PLCL1: variants seen among roughly 807,000 people sequenced by gnomAD.
The protein encoded by PLCL1 is inactive phospholipase C-like protein 1.
In PLCL1, 41 loss-of-function variants were observed where a neutral mutation model predicts 84.4. The observed-to-expected ratio is 0.49, with a 90% confidence interval of 0.38 to 0.63. The LOEUF is 0.63. Ranked by LOEUF, PLCL1 falls within the 30% of genes least tolerant of loss-of-function variation. The probability of loss-of-function intolerance (pLI) is 0.00; values close to 1 mark genes in which losing one functional copy is unlikely to be tolerated. For missense variants in PLCL1, 1,206 were observed against 1,367.8 expected (o/e 0.88, Z 1.87); for synonymous variants, 490 against 488.3 (o/e 1.00, Z -0.05).
At chr2:198,023,537 T>G (rs1691189497) in intron 1 of PLCL1, among the ~76,000 whole-genome samples, 1 of 152,328 alleles carries the variant, frequency 6.6e-6, no homozygotes, top group South Asian at 2.1e-4. Context: ...TACAAGGAAC[T>G]TAAACAAATT....
At chr2:198,136,734 G>A (rs576197604) in intron 5 of PLCL1, among the ~76,000 whole-genome samples, 3 of 152,038 alleles carry the variant, frequency 2.0e-5, no homozygotes, top group East Asian at 1.9e-4. Context: ...CCTTCAAAAC[G>A]TTCAGTGGAT....
chr2:198,074,766 A>G (rs540394125), intron 1 of PLCL1, among the ~76,000 whole-genome samples: 20 of 152,108 alleles, frequency 1.3e-4, no homozygotes, highest in Non-Finnish European at 2.5e-4. Flanking sequence ...CGTGACATGA[A>G]CTCTATTTAA....
rs553465213 is a variant in PLCL1 at position 198,022,285 on chromosome 2, G to C, written c.241-61473G>C. ...AAACCCACTGATATCATACTGAATG[G>C]GCAATATCATACTGAATGGGCAAAT... On this transcript the variant is annotated intron_variant, in intron 1 of 5. Transcript: ENST00000428675. 7.2e-5 allele frequency among the ~76,000 whole-genome samples: 11 copies of C among 152,108 alleles called. No individual in the cohort carries two copies. In the East Asian group the frequency reaches 2.1e-3, roughly 29 times the overall value.
At chr2:197,809,594 T>C (rs1402311483) in intron 1 of PLCL1, among the ~76,000 whole-genome samples, 1 of 152,240 alleles carries the variant, frequency 6.6e-6, no homozygotes, top group Admixed American at 6.5e-5. Flanking sequence ...CAGAGCAATC[T>C]GGCAGGTGTT....
At chr2:197,984,985 G>GGCTGGAAT (rs1339330285) in intron 1 of PLCL1, among the ~76,000 whole-genome samples, 2 of 151,478 alleles carry the variant, frequency 1.3e-5, no homozygotes, top group East Asian at 3.9e-4. Context: ...CTGTTGCCCA[G>GGCTGGAAT]GCTGGAATGC....
intron 1 of PLCL1, among the ~76,000 whole-genome samples, chr2:197,943,119 G>A (rs761493565): frequency 6.7e-6 from 1 of 149,678 alleles, no homozygotes; most frequent in Admixed American, 6.7e-5. Flanking sequence ...AATCACTTGC[G>A]CCCAGGAGGT....
intron 1 of PLCL1, among the ~76,000 whole-genome samples, chr2:198,005,501 T>C (rs1228708345): frequency 1.3e-5 from 2 of 152,240 alleles, no homozygotes; most frequent in Admixed American, 6.5e-5. Context: ...GTTTCTTCAT[T>C]GCATTATATT....
rs112718942 is a variant in PLCL1, at chr2:197,873,832, C to T, written c.240+68493C>T. On this transcript the variant is annotated intron_variant, in intron 1 of 5. Coordinates refer to ENST00000428675, the MANE Select transcript of PLCL1 (RefSeq NM_006226.4). ...CACACCACAATCTGAGCTTAAATTGCGATGCAAAATATTTCGGACAAGGCT... is the reference window on the plus strand; with the variant it reads ...CACACCACAATCTGAGCTTAAATTGTGATGCAAAATATTTCGGACAAGGCT... Among the ~76,000 whole-genome samples, 72 of 152,228 alleles carry T rather than the reference C, an allele frequency of 4.7e-4. 3 individuals carry two copies. The highest frequency in any genetic ancestry group is 7.2e-4 in the Non-Finnish European group (49 of 68,000).
chr2:198,067,488 T>A (rs1173084723), intron 1 of PLCL1, among the ~76,000 whole-genome samples: 1 of 152,110 alleles, frequency 6.6e-6, no homozygotes, highest in Non-Finnish European at 1.5e-5. Context: ...TGGGAAGAGA[T>A]AATTAGTGTA....
chr2:197,805,151 G>A lies in PLCL1; in HGVS notation c.52G>A (p.Gly18Arg). The A allele has an allele frequency of 1.5e-6, 2 of 1,308,634 alleles. No homozygotes were observed. The highest frequency in any genetic ancestry group is 1.9e-6 in the Non-Finnish European group (2 of 1,033,768). 81.1% of individuals were successfully genotyped at this position (1,308,634 alleles called of 1,614,324 possible). A position where few individuals can be genotyped will look rare whatever the true frequency, so the allele number is the denominator to read the frequency against. The change falls in exon 1 of 6, where the codon GGG becomes AGG. Residue 18 changes from glycine (G) to arginine (R), a missense_variant. Physicochemically the swap from Gly to Arg is moderately radical, Grantham distance 125. Transcript: ENST00000428675. This position sits in a 1 kb window ranked among gnomAD's most constrained non-coding sequence, Gnocchi z 4.0. ...GGATCCGGCGCCGCCCGACGCGGCG[G>A]GGGGCGAAGACGACCCCCGAGTGGG... is the stretch of plus-strand genomic sequence containing the variant. ...REDPAPPDAA[G>R]GEDDPRVGPD...
intron 1 of PLCL1, among the ~76,000 whole-genome samples, chr2:198,065,826 T>C (rs1692309761): frequency 1.3e-5 from 2 of 152,192 alleles, no homozygotes; most frequent in African/African-American, 4.8e-5. Flanking sequence ...AGTTTAGGTG[T>C]TGATAAGACA....
At chr2:198,056,116 AAAG>A (rs2105873122) in intron 1 of PLCL1, among the ~76,000 whole-genome samples, 1 of 152,346 alleles carries the variant, frequency 6.6e-6, no homozygotes, top group Admixed American at 6.5e-5. Flanking sequence ...AAAAGCATTC[AAAG>A]AAGTGGAGAA....
chr2:197,941,760 T>C (rs1304856906), intron 1 of PLCL1, among the ~76,000 whole-genome samples: 2 of 152,208 alleles, frequency 1.3e-5, no homozygotes, highest in Admixed American at 1.3e-4. Flanking sequence ...GCTTTCTCTC[T>C]CTCTCTCTCC....
chr2:197,982,724 A>C (rs989326408), intron 1 of PLCL1, among the ~76,000 whole-genome samples: 1 of 152,276 alleles, frequency 6.6e-6, no homozygotes, highest in Admixed American at 6.5e-5. Context: ...ATGTGGGGTA[A>C]CCTGATCTGC....
At position 198,115,880 on chromosome 2, in the gene PLCL1, C is replaced by G. The variant is rs1050717589; in HGVS notation, c.3105+11944C>G. Among the ~76,000 whole-genome samples, 4 of 148,776 alleles carry G rather than the reference C, an allele frequency of 2.7e-5. No homozygotes were observed. The Admixed American group carries it at 2.7e-4, about 10-fold the overall frequency. ...ATTACAATTCAAGGTGAGATTTGAG[C>G]GAGGACACAGCCAAGCCATATCTCA... On this transcript the variant is annotated intron_variant, in intron 5 of 5. Transcript: ENST00000428675.
chr2:198,050,265 G>T (rs1322344295), intron 1 of PLCL1, among the ~76,000 whole-genome samples: 1 of 152,082 alleles, frequency 6.6e-6, no homozygotes, highest in Non-Finnish European at 1.5e-5. Context: ...GACAGTGGTA[G>T]GTGAGATTGG....
intron 5 of PLCL1, among the ~76,000 whole-genome samples, chr2:198,115,701 A>G (rs1347566553): frequency 6.6e-6 from 1 of 151,782 alleles, no homozygotes; most frequent in Admixed American, 6.6e-5. Context: ...AATGTGTTAC[A>G]TGGTGGCAGG....
intron 1 of PLCL1, among the ~76,000 whole-genome samples, chr2:198,052,882 A>G (rs1181805132): frequency 6.6e-6 from 1 of 152,210 alleles, no homozygotes; most frequent in Non-Finnish European, 1.5e-5. Flanking sequence ...CCTAGCCTGG[A>G]AGAAGACTGG....
At chr2:198,127,385 T>C (rs13408403) in intron 5 of PLCL1, among the ~76,000 whole-genome samples, 5,861 of 152,274 alleles carry the variant, frequency 0.038, 295 homozygotes, top group African/African-American at 0.12. Flanking sequence ...ATAAAGATAC[T>C]GTCTTATACA....
Sources: gnomAD v4.1 joint callset for allele counts (sites outside exome capture counted in the v4.1 genomes callset) on GRCh38, gnomAD v4.1.1 for gene constraint, Gnocchi (gnomAD v3.1) non-coding constraint, MANE v1.5 for transcripts, NCBI Gene and HGNC (gene_info 2026-07-23, HGNC 2026-07-21) for gene names.